The following MSI2 variants were observed in gnomAD, a reference collection of about 807,000 sequenced individuals.
The protein encoded by MSI2 is RNA-binding protein Musashi homolog 2.
In MSI2, 17 loss-of-function variants were observed where a neutral mutation model predicts 45.6. That is an observed-to-expected ratio of 0.37 (90% CI 0.26 to 0.56). The LOEUF (loss-of-function observed/expected upper bound fraction) is 0.56. MSI2 is among the 20% of genes least tolerant of loss of function. The pLI is 0.77. For synonymous variants in MSI2, 156 were observed against 158.2 expected, an observed-to-expected ratio of 0.99 and a Z score of 0.11; for missense variants, 293 against 444.2, an observed-to-expected ratio of 0.66 and a Z score of 3.06.
chr17:57,516,817 A>G (rs2086479269), intron 6 of MSI2, among the ~76,000 whole-genome samples: 1 of 152,208 alleles, frequency 6.6e-6, no homozygotes, highest in Non-Finnish European at 1.5e-5. Context: ...ATGGAGTGGG[A>G]TTTGAACCCA....
At chr17:57,318,026 G>C (rs762773119) in intron 5 of MSI2, among the ~76,000 whole-genome samples, 2 of 152,216 alleles carry the variant, frequency 1.3e-5, no homozygotes, top group Non-Finnish European at 2.9e-5. Context: ...GCACACACTT[G>C]TAATCCCAGC....
intron 6 of MSI2, among the ~76,000 whole-genome samples, chr17:57,509,160 A>C (rs1355212358): frequency 6.6e-6 from 1 of 152,192 alleles, no homozygotes; most frequent in Non-Finnish European, 1.5e-5. Context: ...GGAAGTGCTA[A>C]GTATTACTAT....
chr17:57,434,780 C>T (rs559087182), intron 6 of MSI2, among the ~76,000 whole-genome samples: 12 of 115,716 alleles, frequency 1.0e-4, no homozygotes, highest in Admixed American at 4.8e-4. Context: ...ATATACACCA[C>T]ATTTTTTTTT....
chr17:57,286,676 C>T (rs1299504667), intron 5 of MSI2, among the ~76,000 whole-genome samples: 1 of 151,996 alleles, frequency 6.6e-6, no homozygotes, highest in South Asian at 2.1e-4. Context: ...GCCCCAAGGT[C>T]GCTTGTCTGA....
intron 7 of MSI2, among the ~76,000 whole-genome samples, chr17:57,584,793 T>C (rs1432190891): frequency 1.1e-5 from 1 of 88,446 alleles, no homozygotes; most frequent in Non-Finnish European, 2.7e-5. Flanking sequence ...TGATTTGGGT[T>C]TTTTTTTTTT....
intron 5 of MSI2, among the ~76,000 whole-genome samples, chr17:57,379,554 G>A (rs184335688): frequency 5.8e-4 from 86 of 148,670 alleles, no homozygotes; most frequent in African/African-American, 2.1e-3. Flanking sequence ...GGCATATCCT[G>A]TGTTCAGTTA....
chr17:57,588,215 A>G (rs1904497061), intron 7 of MSI2, among the ~76,000 whole-genome samples: 1 of 152,218 alleles, frequency 6.6e-6, no homozygotes, highest in African/African-American at 2.4e-5. Context: ...CCAGGAGGGC[A>G]GTCTCAAGTA....
At chr17:57,325,482 A>G (rs745347724) in intron 5 of MSI2, among the ~76,000 whole-genome samples, 1 of 152,272 alleles carries the variant, frequency 6.6e-6, no homozygotes, top group Non-Finnish European at 1.5e-5. Flanking sequence ...AAAAAAAGAA[A>G]GTGGAGTCTA....
intron 6 of MSI2, chr17:57,444,594 A>T (rs1033876055): frequency 6.6e-6 from 1 of 152,146 alleles, no homozygotes; most frequent in South Asian, 2.1e-4. Flanking sequence ...AGAAAAAAAA[A>T]AAAGAACACA....
At chr17:57,257,431 C>CT in intron 2 of MSI2, 35 bp from the exon 3 acceptor site, 2 of 1,100,880 alleles carry the variant, frequency 1.8e-6, no homozygotes, top group African/African-American at 1.7e-5. Flanking sequence ...CACACCTTCT[C>CT]TCCCCCCCCC....
intron 6 of MSI2, among the ~76,000 whole-genome samples, chr17:57,462,863 C>G (rs2085257431): frequency 6.6e-6 from 1 of 152,240 alleles, no homozygotes; most frequent in African/African-American, 2.4e-5. Flanking sequence ...CCGGCACCTT[C>G]CTGTTATAGT....
At chr17:57,368,247 G>A (rs2083368908) in intron 5 of MSI2, among the ~76,000 whole-genome samples, 1 of 152,172 alleles carries the variant, frequency 6.6e-6, no homozygotes, top group Admixed American at 6.5e-5. Context: ...GTATTTCTGT[G>A]TTTAAAAATG....
chr17:57,480,194 C>A (rs2085620678), intron 6 of MSI2, among the ~76,000 whole-genome samples: 2 of 152,100 alleles, frequency 1.3e-5, no homozygotes. Context: ...AATTCCTGAC[C>A]CCAAGTTATC....
At chr17:57,360,977 A>G (rs1232748526) in intron 5 of MSI2, among the ~76,000 whole-genome samples, 1 of 152,216 alleles carries the variant, frequency 6.6e-6, no homozygotes, top group Non-Finnish European at 1.5e-5. Flanking sequence ...AAAATTTGCT[A>G]TGGATTGTAA....
chr17:57,419,247 T>A (rs1229783020), intron 6 of MSI2, among the ~76,000 whole-genome samples: 1 of 152,084 alleles, frequency 6.6e-6, no homozygotes, highest in Non-Finnish European at 1.5e-5. Context: ...GAAACAACCT[T>A]AATTACAGGC....
Position 57,442,008 on chromosome 17 carries a change from G to A in MSI2, c.405+40537G>A, listed in dbSNP as rs191516440. Among the ~76,000 whole-genome samples the A allele has an allele frequency of 2.3e-4, 35 of 151,770 alleles. No homozygotes were observed. The East Asian group carries it at 6.8e-3, about 29-fold the overall frequency. On this transcript the variant is annotated intron_variant, in intron 6 of 13. Transcript: ENST00000284073. The stretch of plus-strand genomic sequence containing the variant: ...GCTGTACATTTAAACTGGCCTCCGC[G>A]TGGGTTCATGGTCCTGTACATCAAC...
intron 9 of MSI2, among the ~76,000 whole-genome samples, chr17:57,622,069 CAT>C (rs1908339616): frequency 6.6e-6 from 1 of 152,178 alleles, no homozygotes; most frequent in Non-Finnish European, 1.5e-5. Context: ...CATGGTGGCG[CAT>C]GCCTGTAGTC....
intron 6 of MSI2, among the ~76,000 whole-genome samples, chr17:57,447,985 G>C (rs945277681): frequency 6.6e-6 from 1 of 152,186 alleles, no homozygotes; most frequent in African/African-American, 2.4e-5. Flanking sequence ...AGTTGGTTTG[G>C]AGCAAGTTGT....
At chr17:57,700,097 A>G in the MSI2 span, among the ~76,000 whole-genome samples, 8 of 152,204 alleles carry the variant, frequency 5.3e-5, no homozygotes, top group African/African-American at 1.9e-4. Context: ...GGCTGTTTGA[A>G]TTTCTGGGAG....
Sources: allele counts gnomAD v4.1 joint callset (sites outside exome capture counted in the v4.1 genomes callset), GRCh38; gene constraint gnomAD v4.1.1; transcripts MANE v1.5; gene names NCBI Gene and HGNC (gene_info 2026-07-23, HGNC 2026-07-21).